The following MTCL1 variants were observed in gnomAD, a reference collection of about 807,000 sequenced individuals.
MTCL1 encodes the protein microtubule cross-linking factor 1.
Under a neutral mutation model 141.4 loss-of-function variants are expected in MTCL1, and 79 were observed. The observed-to-expected ratio is 0.56, with a 90% CI of 0.47 to 0.67. The LOEUF (loss-of-function observed/expected upper bound fraction) is 0.67. Ranked by LOEUF, MTCL1 falls within the 30% of genes least tolerant of loss-of-function variation. MTCL1 has a pLI of 0.00. For missense variants in MTCL1, 2,177 were observed against 2,113.9 expected, an observed-to-expected ratio of 1.03 and a Z score of -0.59; for synonymous variants, 914 against 875.8, an observed-to-expected ratio of 1.04 and a Z score of -0.77.
chr18:8,730,188 G>A (rs1213853093), intron 4 of MTCL1, among the ~76,000 whole-genome samples: 3 of 152,066 alleles, frequency 2.0e-5, no homozygotes, highest in Non-Finnish European at 4.4e-5. Context: ...TGATCACTTA[G>A]CTATATATGT....
At position 8,705,873 on chromosome 18, in the gene MTCL1, T is replaced by G. The variant is rs142882599; in HGVS notation, c.213T>G (p.Ala71=). The G allele has an allele frequency of 0.44, 496,489 of 1,123,702 alleles. 110,969 individuals are homozygous for G. Among genetic ancestry groups the G allele is most frequent in the African/African-American group, 0.48 (28,733 of 59,928 alleles). The allele number at this position is 1,123,702 out of a possible 1,614,324, so 69.6% of individuals were successfully genotyped here. ...TCCCCTCCTCGGGCCGAGCCCCGGC[T>G]CCCGCCGCCCCGCGCTCGCCCAACC... Residue 71 remains alanine, a synonymous_variant, in exon 1 of 14, where the codon GCT becomes GCG. Coordinates refer to the MTCL1 transcript ENST00000306329. The surrounding 1 kb of genome is among the most constrained non-coding windows in gnomAD (Gnocchi z 5.2).
chr18:8,785,757 T>C (rs1345717905), intron 6 of MTCL1, 179 bp from the exon 6 acceptor site: 1 of 706,108 alleles, frequency 1.4e-6, no homozygotes, highest in East Asian at 2.8e-5. Context: ...TACACCACTG[T>C]CTTTAAGCCT....
intron 4 of MTCL1, among the ~76,000 whole-genome samples, chr18:8,777,079 A>C (rs1436206590): frequency 6.6e-6 from 1 of 151,754 alleles, no homozygotes; most frequent in African/African-American, 2.4e-5. Flanking sequence ...CTAAAAATAC[A>C]AAAAAAATTA....
chr18:8,791,138 A>C (rs1438053058), intron 7 of MTCL1, among the ~76,000 whole-genome samples: 2 of 152,194 alleles, frequency 1.3e-5, no homozygotes, highest in African/African-American at 2.4e-5. Context: ...CTCCAAGGGA[A>C]CAGGAGATGG....
intron 4 of MTCL1, among the ~76,000 whole-genome samples, chr18:8,759,086 G>A (rs1287606708): frequency 6.6e-5 from 10 of 152,198 alleles, no homozygotes; most frequent in Non-Finnish European, 8.8e-5. Flanking sequence ...CTGCATTTGC[G>A]ATCACACTTT....
intron 7 of MTCL1, 22 bp downstream of exon 6, chr18:8,786,113 C>T (rs761812663): frequency 2.2e-6 from 3 of 1,383,496 alleles, no homozygotes; most frequent in South Asian, 2.5e-5. Flanking sequence ...CAAGCAATCC[C>T]CCCCCCCCGC....
Position 8,830,661 on chromosome 18 carries a change from T to G in MTCL1, c.*19-946T>G. On this transcript the variant is annotated intron_variant, in intron 16 of 16. Coordinates refer to ENST00000359865, the Ensembl canonical transcript of MTCL1. This position sits in a 1 kb window ranked among gnomAD's most constrained non-coding sequence, Gnocchi z 6.4. ...TGTTCTCTGTCATCCTTCCTGTGCCTTCCATTCAGTTCACCTCAAGCTTCC... is the reference window on the plus strand; with the variant it reads ...TGTTCTCTGTCATCCTTCCTGTGCCGTCCATTCAGTTCACCTCAAGCTTCC... The G allele has an allele frequency of 1.0e-6, 1 of 985,546 alleles. No individual in the cohort carries two copies. The highest frequency in any genetic ancestry group is 1.2e-6 in the Non-Finnish European group (1 of 829,992). The allele number at this position is 985,546 out of a possible 1,614,324, so 61.1% of individuals were successfully genotyped here.
chr18:8,729,245 A>G (rs950408918), intron 4 of MTCL1, among the ~76,000 whole-genome samples: 5 of 143,130 alleles, frequency 3.5e-5, no homozygotes, highest in African/African-American at 1.3e-4. Context: ...TTGGAGAGAC[A>G]GGGTTTTGCC....
chr18:8,705,708 G>A lies in MTCL1; in HGVS notation c.48G>A (p.Lys16=), dbSNP rs1256702971. 1 of 1,203,262 alleles carries A rather than the reference G, an allele frequency of 8.3e-7. No homozygotes were observed. Among genetic ancestry groups the A allele is most frequent in the Admixed American group, 4.4e-5 (1 of 22,544 alleles). 74.5% of individuals were successfully genotyped at this position (1,203,262 alleles called of 1,614,324 possible). A position where few individuals can be genotyped will look rare whatever the true frequency, so the allele number is the denominator to read the frequency against. ...CGGGCGGAGGTGCCCCGGACGCGAA[G>A]CTGCAGCCGCCCGGCCAGCACCACC... Residue 16 remains lysine, a synonymous_variant, in exon 1 of 14, where the codon AAG becomes AAA. Transcript: ENST00000306329. This position sits in a 1 kb window ranked among gnomAD's most constrained non-coding sequence, Gnocchi z 5.2.
intron 4 of MTCL1, among the ~76,000 whole-genome samples, chr18:8,774,477 TTTTTCTTTCTTTCCTTCTG>T (rs1042034309): frequency 3.1e-4 from 47 of 149,664 alleles, no homozygotes; most frequent in Non-Finnish European, 5.3e-4. Context: ...CTTTCTTTTC[TTTTTCTTTCTTTCCTTCTG>T]TTTTCTTTCT....
At chr18:8,802,460 C>A (rs563995593) in intron 10 of MTCL1, among the ~76,000 whole-genome samples, 1 of 152,318 alleles carries the variant, frequency 6.6e-6, no homozygotes, top group South Asian at 2.1e-4. Context: ...ATTTCACCTG[C>A]TGAAATCTTA....
chr18:8,771,126 T>C (rs1157049713), intron 4 of MTCL1, among the ~76,000 whole-genome samples: 1 of 152,026 alleles, frequency 6.6e-6, no homozygotes. Flanking sequence ...AATGACAACT[T>C]TAATATGGGT....
chr18:8,806,676 C>T (rs1054615088), intron 10 of MTCL1, among the ~76,000 whole-genome samples: 3 of 152,162 alleles, frequency 2.0e-5, no homozygotes, highest in African/African-American at 7.2e-5. Flanking sequence ...CCTGATCAAA[C>T]AGGCCCTCAG....
chr18:8,731,569 C>G (rs1035230620), intron 4 of MTCL1, among the ~76,000 whole-genome samples: 2 of 151,994 alleles, frequency 1.3e-5, no homozygotes, highest in East Asian at 3.9e-4. Context: ...AGCGAGACTT[C>G]GTCTCAAGAA....
At chr18:8,825,003 A>G (rs767152151) in exon 15 of MTCL1, 3 of 1,613,284 alleles carry the variant, frequency 1.9e-6, no homozygotes, top group Non-Finnish European at 2.5e-6. Context: ...CACCATGACC[A>G]CGGACACCAT....
intron 4 of MTCL1, among the ~76,000 whole-genome samples, chr18:8,725,567 C>T (rs139463143): frequency 6.6e-6 from 1 of 152,066 alleles, no homozygotes; most frequent in Non-Finnish European, 1.5e-5. Context: ...ATTTTCCATT[C>T]AGCTAAAAAA....
At chr18:8,717,778 C>T (rs931385464) in intron 1 of MTCL1, 1 of 465,588 alleles carries the variant, frequency 2.1e-6, no homozygotes, top group African/African-American at 2.1e-5. Flanking sequence ...TTGGGTTCCC[C>T]TGTATTCAGG....
chr18:8,736,613 TG>T (rs887677951), intron 4 of MTCL1, among the ~76,000 whole-genome samples: 5 of 151,462 alleles, frequency 3.3e-5, no homozygotes, highest in African/African-American at 1.2e-4. Flanking sequence ...CATCATACAT[TG>T]GGGGCCTTCT....
upstream of MTCL1, among the ~76,000 whole-genome samples, chr18:8,712,401 A>T (rs1405327551): frequency 1.3e-5 from 2 of 152,128 alleles, no homozygotes; most frequent in Non-Finnish European, 2.9e-5. Context: ...GGTTTTTGAC[A>T]TTTGGCAGCT....
Sources: allele counts gnomAD v4.1 joint callset (sites outside exome capture counted in the v4.1 genomes callset), GRCh38; gene constraint gnomAD v4.1.1; non-coding constraint Gnocchi (gnomAD v3.1); transcripts MANE v1.5; gene names NCBI Gene and HGNC (gene_info 2026-07-23, HGNC 2026-07-21).